Variants in RARB observed in about 807,000 individuals in gnomAD.
RARB encodes HBV-activated protein.
A neutral mutation model predicts 51.9 loss-of-function variants in RARB; 17 were observed. The ratio of observed to expected loss-of-function variants is 0.33; its 90% confidence interval spans 0.22 to 0.49. The LOEUF (loss-of-function observed/expected upper bound fraction) is 0.49, where lower values mean the gene tolerates loss of function less well. RARB is among the 20% of genes least tolerant of loss of function. The pLI, the probability that RARB is intolerant of heterozygous loss-of-function variation, is 0.99. For synonymous variants in RARB, 215 were observed against 195.4 expected, an observed-to-expected ratio of 1.10 and a Z score of -0.84; for missense variants, 369 against 550.8, an observed-to-expected ratio of 0.67 and a Z score of 3.30.
At chr3:25,048,217 T>C (rs867772975) in intron 2 of RARB, among the ~76,000 whole-genome samples, 27 of 152,328 alleles carry the variant, frequency 1.8e-4, no homozygotes, top group African/African-American at 5.3e-4. Context: ...CATCTCTTCA[T>C]TTAGTATATA....
chr3:24,967,287 T>A (rs1696296972), intron 2 of RARB, among the ~76,000 whole-genome samples: 1 of 152,124 alleles, frequency 6.6e-6, no homozygotes. Context: ...AGCATCTGTC[T>A]CCTGTAAGAT....
chr3:24,938,332 T>C (rs143470073), intron 2 of RARB, among the ~76,000 whole-genome samples: 323 of 152,296 alleles, frequency 2.1e-3, no homozygotes, highest in African/African-American at 7.4e-3. Flanking sequence ...TGTAGTTTGT[T>C]AGAGAACCGT....
At chr3:25,161,068 A>G (rs1014532313) in intron 4 of RARB, among the ~76,000 whole-genome samples, 1 of 152,084 alleles carries the variant, frequency 6.6e-6, no homozygotes, top group East Asian at 1.9e-4. Context: ...GCTAGAGTGC[A>G]GTGGCCCAAT....
At chr3:24,850,298 C>T (rs1245130068) in intron 1 of RARB, among the ~76,000 whole-genome samples, 1 of 152,220 alleles carries the variant, frequency 6.6e-6, no homozygotes, top group African/African-American at 2.4e-5. Context: ...GCTGCTTTCA[C>T]ACTACCAAGG....
intron 5 of RARB, among the ~76,000 whole-genome samples, chr3:25,369,215 ATAAG>A (rs1706226339): frequency 6.6e-6 from 1 of 152,230 alleles, no homozygotes; most frequent in Admixed American, 6.5e-5. Context: ...AACTCAATAA[ATAAG>A]TATTTTTGAG....
intron 3 of RARB, among the ~76,000 whole-genome samples, chr3:25,520,573 A>T (rs1462619716): frequency 1.3e-5 from 2 of 152,252 alleles, no homozygotes; most frequent in East Asian, 3.8e-4. Flanking sequence ...TAGATAAAAT[A>T]AGTAGCGACT....
At chr3:24,972,532 A>C (rs768884467) in intron 2 of RARB, among the ~76,000 whole-genome samples, 1 of 151,850 alleles carries the variant, frequency 6.6e-6, no homozygotes, top group African/African-American at 2.4e-5. Flanking sequence ...TTCATGTGGT[A>C]GTTATATTTT....
intron 2 of RARB, among the ~76,000 whole-genome samples, chr3:24,994,354 T>C (rs1020510240): frequency 2.2e-4 from 33 of 152,124 alleles, no homozygotes; most frequent in African/African-American, 8.0e-4. Flanking sequence ...TGGCTGTATT[T>C]TTCTTGTTGA....
Position 25,240,595 on chromosome 3 carries a change from GT to G in RARB, c.178+66025del, listed in dbSNP as rs745733218. On this transcript the variant is annotated intron_variant, in intron 5 of 11. Transcript: ENST00000383772. ...TCTGCATTTATTGAGTGATCATACA[GT>G]TTTTGTCCTTCATTCTATTGATGTA... 1.2e-4 allele frequency among the ~76,000 whole-genome samples: 18 copies of G among 152,184 alleles called. 1 individual carries two copies. The highest frequency in any genetic ancestry group is 1.3e-4 in the Non-Finnish European group (9 of 68,008).
chr3:24,946,081 C>T (rs1361389983), intron 2 of RARB, among the ~76,000 whole-genome samples: 5 of 151,892 alleles, frequency 3.3e-5, no homozygotes, highest in African/African-American at 9.7e-5. Context: ...CTGGCTAACA[C>T]GGTGAAACCC....
At chr3:24,857,217 A>C (rs1470807976) in intron 1 of RARB, among the ~76,000 whole-genome samples, 1 of 152,188 alleles carries the variant, frequency 6.6e-6, no homozygotes, top group African/African-American at 2.4e-5. Flanking sequence ...CCCTTGCAAC[A>C]TTTATACTTC....
At chr3:25,508,428 A>G (rs190944665) in intron 3 of RARB, among the ~76,000 whole-genome samples, 2 of 152,300 alleles carry the variant, frequency 1.3e-5, no homozygotes, top group East Asian at 3.9e-4. Flanking sequence ...TTTTGGACTA[A>G]AGGCACTTAA....
At chr3:25,010,068 G>T (rs868562245) in intron 2 of RARB, among the ~76,000 whole-genome samples, 2 of 152,128 alleles carry the variant, frequency 1.3e-5, no homozygotes, top group Middle Eastern at 3.4e-3. Context: ...CTTAGTTCAG[G>T]TAAAGTTTTT....
chr3:25,312,279 T>C (rs925688792), intron 5 of RARB, among the ~76,000 whole-genome samples: 1 of 152,228 alleles, frequency 6.6e-6, no homozygotes, highest in Non-Finnish European at 1.5e-5. Context: ...TAGATTTTGA[T>C]AGCTTTCAAA....
chr3:25,348,228 G>A (rs963841205), intron 5 of RARB, among the ~76,000 whole-genome samples: 2 of 151,846 alleles, frequency 1.3e-5, no homozygotes, highest in African/African-American at 4.8e-5. Flanking sequence ...ATAAGCCTCA[G>A]GTTTCTTTTA....
chr3:25,407,192 T>C (rs1471025082), intron 5 of RARB, among the ~76,000 whole-genome samples: 3 of 152,222 alleles, frequency 2.0e-5, no homozygotes, highest in Non-Finnish European at 2.9e-5. Context: ...GTATTTGATA[T>C]GTTCCTCAAC....
chr3:24,893,804 C>T (rs539913410), intron 2 of RARB, among the ~76,000 whole-genome samples: 67 of 152,136 alleles, frequency 4.4e-4, no homozygotes, highest in Non-Finnish European at 6.0e-4. Context: ...GGATTACAGG[C>T]GTGAGCCACC....
intron 5 of RARB, among the ~76,000 whole-genome samples, chr3:25,205,874 G>A (rs1460104645): frequency 6.6e-6 from 1 of 151,866 alleles, no homozygotes; most frequent in Non-Finnish European, 1.5e-5. Flanking sequence ...TCCTCAGTTA[G>A]TTAGGACTAC....
At chr3:24,868,191 T>G (rs1702885292) in intron 2 of RARB, among the ~76,000 whole-genome samples, 1 of 152,128 alleles carries the variant, frequency 6.6e-6, no homozygotes, top group Non-Finnish European at 1.5e-5. Flanking sequence ...TACATGTGGG[T>G]GTTAGCCTGT....
Sources: gnomAD v4.1 joint callset for allele counts (sites outside exome capture counted in the v4.1 genomes callset) on GRCh38, gnomAD v4.1.1 for gene constraint, MANE v1.5 for transcripts, NCBI Gene and HGNC (gene_info 2026-07-23, HGNC 2026-07-21) for gene names.